ANK1: variants seen among roughly 807,000 people sequenced by gnomAD.
ANK1 encodes ankyrin 1.
ANK1 carries 51 observed loss-of-function variants against 210.4 expected under a neutral mutation model. That is an observed-to-expected ratio of 0.24 (90% confidence interval 0.19 to 0.31). The LOEUF is 0.31. Ranked by LOEUF, ANK1 falls within the 10% of genes least tolerant of loss-of-function variation. The pLI is 1.00. For synonymous variants in ANK1, 967 were observed against 1,025.9 expected, an observed-to-expected ratio of 0.94 and a Z score of 1.10; for missense variants, 2,051 against 2,504.4, an observed-to-expected ratio of 0.82 and a Z score of 3.86.
rs773555671 is a variant in ANK1 at position 41,724,507 on chromosome 8, G to A, written c.660C>T (p.Asn220=). The part of the protein sequence containing the change: ...LHIAAHYENL[N]VAQLLLNRGA... ...CTCTGTTGAGGAGCAACTGGGCCAC[G>A]TTGAGGTTCTCGTAGTGAGCCGCAA... Residue 220 remains asparagine, a synonymous_variant, in exon 7 of 43, where the codon AAC becomes AAT. Coordinates refer to ENST00000289734, the MANE Select transcript of ANK1 (RefSeq NM_000037.4). 3 of 1,602,656 alleles carry A rather than the reference G, an allele frequency of 1.9e-6. No homozygotes were observed. The highest frequency in any genetic ancestry group is 2.7e-5 in the African/African-American group (2 of 74,766).
chr8:41,753,966 C>T (rs139030543), intron 2 of ANK1, among the ~76,000 whole-genome samples: 13 of 152,322 alleles, frequency 8.5e-5, no homozygotes, highest in African/African-American at 2.6e-4. Context: ...TCCTCCCTCA[C>T]CTCAGCTGTC....
At chr8:41,700,445 T>C in intron 22 of ANK1, 6 of 1,613,832 alleles carry the variant, frequency 3.7e-6, no homozygotes, top group Non-Finnish European at 5.1e-6. Context: ...TATAGTTATA[T>C]GAGCAGTTCC....
At chr8:41,698,889 C>T (rs558572479) in intron 23 of ANK1, among the ~76,000 whole-genome samples, 6 of 152,180 alleles carry the variant, frequency 3.9e-5, no homozygotes, top group South Asian at 4.2e-4. Flanking sequence ...CTCCGCCTCC[C>T]GGGTTCAAGC....
chr8:41,721,203 A>C (rs115970199), intron 9 of ANK1, among the ~76,000 whole-genome samples: 2,180 of 152,278 alleles, frequency 0.014, 55 homozygotes, highest in African/African-American at 0.049. Context: ...CGTCCTTAGA[A>C]ACAGGGAGAT....
chr8:41,721,407 C>A (rs80078338), intron 9 of ANK1, among the ~76,000 whole-genome samples: 6,295 of 152,110 alleles, frequency 0.041, 167 homozygotes, highest in Non-Finnish European at 0.055. Context: ...CTGTAATTCC[C>A]GCACTTTGGG....
chr8:41,796,651 A>T lies in ANK1; in HGVS notation c.27+861T>A, dbSNP rs577353517. Reference sequence around the variant, plus strand: ...CCTCTGCACCCAGCGACTTTTAGACAAGCAGAAGACGAAATGCCCTGCCCG... The same window carrying T: ...CCTCTGCACCCAGCGACTTTTAGACTAGCAGAAGACGAAATGCCCTGCCCG... On this transcript the variant is annotated intron_variant, in intron 1 of 42. Coordinates refer to ENST00000289734, the MANE Select transcript of ANK1 (RefSeq NM_000037.4). Among the ~76,000 whole-genome samples, 5 of 150,988 alleles carry T rather than the reference A, an allele frequency of 3.3e-5. No homozygotes were observed. In the East Asian group the frequency reaches 9.9e-4, roughly 30 times the overall value.
intron 14 of ANK1, 81 bp downstream of exon 14, chr8:41,715,571 C>T (rs1308658492): frequency 3.9e-6 from 6 of 1,542,570 alleles, no homozygotes; most frequent in Non-Finnish European, 5.3e-6. Context: ...CAAAGAGAAC[C>T]AGGCAGGAAT....
At chr8:41,853,220 C>T (rs1811584061) in intron 1 of ANK1, among the ~76,000 whole-genome samples, 1 of 152,198 alleles carries the variant, frequency 6.6e-6, no homozygotes, top group Non-Finnish European at 1.5e-5. Context: ...AAACAGTTCT[C>T]TTTCCTGGCT....
upstream of ANK1, among the ~76,000 whole-genome samples, chr8:41,798,751 T>C (rs1849331378): frequency 6.6e-6 from 1 of 152,062 alleles, no homozygotes; most frequent in African/African-American, 2.4e-5. Context: ...CATGGTTTCC[T>C]CTAGGGGTGG....
intron 1 of ANK1, among the ~76,000 whole-genome samples, chr8:41,810,324 C>T (rs1012227768): frequency 1.3e-5 from 2 of 152,168 alleles, no homozygotes; most frequent in South Asian, 2.1e-4. Context: ...GAAGAATCAG[C>T]GAATCTGCGG....
chr8:41,775,165 G>A (rs535134265), intron 1 of ANK1, among the ~76,000 whole-genome samples: 14 of 152,270 alleles, frequency 9.2e-5, no homozygotes, highest in South Asian at 4.1e-4. Context: ...TGCATGGCAC[G>A]CTCTTCCTCA....
chr8:41,870,274 TAA>T (rs921652174), intron 1 of ANK1, among the ~76,000 whole-genome samples: 2 of 145,882 alleles, frequency 1.4e-5, no homozygotes, highest in South Asian at 4.3e-4. Flanking sequence ...AGTTTTTGCT[TAA>T]AAAAAAAAAG....
intron 1 of ANK1, chr8:41,829,189 G>T (rs1261533810): frequency 6.6e-6 from 1 of 152,176 alleles, no homozygotes; most frequent in African/African-American, 2.4e-5. Context: ...TCTGTGACTC[G>T]GCTTTCAGAA....
In ANK1 at chr8:41,701,642, A is replaced by G; in HGVS notation, c.2389-20T>C. On this transcript the variant is annotated intron_variant, in intron 21 of 42. Coordinates refer to ENST00000289734, the MANE Select transcript of ANK1 (RefSeq NM_000037.4). ...GACTAACTAAAACGAGAAAAAGCAG[A>G]TAATTCAACCCAAACTAGAGCCGCA... is the stretch of plus-strand genomic sequence containing the variant. The G allele has an allele frequency of 6.2e-7, 1 of 1,612,760 alleles. No individual in the cohort carries two copies. The highest frequency in any genetic ancestry group is 1.1e-5 in the South Asian group (1 of 91,064).
rs1174992582 is a variant in ANK1, at chr8:41,694,653, G to C, written c.3266C>G (p.Pro1089Arg). The C allele has an allele frequency of 6.2e-7, 1 of 1,614,134 alleles. No homozygotes were observed. The highest frequency in any genetic ancestry group is 8.5e-7 in the Non-Finnish European group (1 of 1,180,032). ...EGGSLKSKLV[P>R]LVQATFPENA... Reference sequence around the variant, plus strand: ...CTCCGGGAACGTTGCCTGTACCAGGGGCACCAGCTTGCTCTTCAGGGAGCC... The same window carrying C: ...CTCCGGGAACGTTGCCTGTACCAGGCGCACCAGCTTGCTCTTCAGGGAGCC... The change falls in exon 28 of 43, where the codon CCC becomes CGC. Residue 1089 changes from proline to arginine, a missense_variant. Transcript: ENST00000289734. This position sits in a 1 kb window ranked among gnomAD's most constrained non-coding sequence, Gnocchi z 5.7.
chr8:41,741,869 C>T (rs1308427625), intron 2 of ANK1, among the ~76,000 whole-genome samples: 1 of 152,206 alleles, frequency 6.6e-6, no homozygotes, highest in African/African-American at 2.4e-5. Flanking sequence ...CAGCTGTCCC[C>T]ATATGATCTC....
At chr8:41,871,041 G>C (rs1249719022) in intron 1 of ANK1, among the ~76,000 whole-genome samples, 1 of 152,122 alleles carries the variant, frequency 6.6e-6, no homozygotes, top group East Asian at 1.9e-4. Context: ...GCAGCCTCCG[G>C]GTCCCATGGA....
chr8:41,717,720 AGAGTCCGATAAGTGG>A lies in ANK1; in HGVS notation c.1207-33_1207-19del, dbSNP rs1388492719. On this transcript the variant is annotated intron_variant, in intron 11 of 42. Coordinates refer to ENST00000289734, the MANE Select transcript of ANK1 (RefSeq NM_000037.4). ...AGGCCAGACTGAAACAGACAAAGGC[AGAGTCCGATAAGTGG>A]GAGTCTTTCCGCTCCCCTGAAGAAG... 7 of 1,544,154 alleles carry A rather than the reference AGAGTCCGATAAGTGG, an allele frequency of 4.5e-6. No individual in the cohort carries two copies.
intron 39 of ANK1, among the ~76,000 whole-genome samples, chr8:41,664,644 C>T (rs1809747871): frequency 6.6e-6 from 1 of 152,134 alleles, no homozygotes; most frequent in Admixed American, 6.5e-5. Flanking sequence ...CGCACACACA[C>T]TCTGGCTCCC....
Sources: allele counts gnomAD v4.1 joint callset (sites outside exome capture counted in the v4.1 genomes callset), GRCh38; gene constraint gnomAD v4.1.1; non-coding constraint Gnocchi (gnomAD v3.1); transcripts MANE v1.5; gene names NCBI Gene and HGNC (gene_info 2026-07-23, HGNC 2026-07-21).